The following SMAD2 variants were observed in gnomAD, a reference collection of about 807,000 sequenced individuals.
SMAD2 encodes MAD homolog 2.
In SMAD2, 8 loss-of-function variants were observed where a neutral mutation model predicts 64.4. The ratio of observed to expected loss-of-function variants is 0.12; its 90% CI spans 0.07 to 0.22. The LOEUF (loss-of-function observed/expected upper bound fraction) is 0.22, where lower values mean the gene tolerates loss of function less well. Ranked by LOEUF, SMAD2 falls within the 10% of genes least tolerant of loss-of-function variation. The pLI is 1.00. For synonymous variants in SMAD2, 203 were observed against 195.8 expected, an observed-to-expected ratio of 1.04 and a Z score of -0.31; for missense variants, 289 against 561.2, an observed-to-expected ratio of 0.51 and a Z score of 4.90.
chr18:47,846,865 T>C (rs1290027845), intron 8 of SMAD2, among the ~76,000 whole-genome samples: 1 of 152,184 alleles, frequency 6.6e-6, no homozygotes. Context: ...TGTGGTAATT[T>C]GTTACACAGC....
At chr18:47,881,931 G>A (rs554597795) in intron 2 of SMAD2, among the ~76,000 whole-genome samples, 28 of 151,796 alleles carry the variant, frequency 1.8e-4, no homozygotes, top group African/African-American at 6.8e-4. Context: ...AAACTGGAGT[G>A]TGGTGGCGTG....
intron 2 of SMAD2, among the ~76,000 whole-genome samples, chr18:47,871,449 C>CT (rs1297595328): frequency 1.3e-5 from 2 of 152,156 alleles, no homozygotes; most frequent in African/African-American, 4.8e-5. Flanking sequence ...TTAACTGGAT[C>CT]AACAGTTCAA....
At chr18:47,896,232 T>C (rs1301496569) in intron 2 of SMAD2, among the ~76,000 whole-genome samples, 1 of 152,218 alleles carries the variant, frequency 6.6e-6, no homozygotes, top group African/African-American at 2.4e-5. Context: ...TAGAAAAAGC[T>C]TCAATTCTTT....
chr18:47,902,367 G>A (rs1242379616), intron 1 of SMAD2, among the ~76,000 whole-genome samples: 2 of 152,122 alleles, frequency 1.3e-5, no homozygotes, highest in Non-Finnish European at 2.9e-5. Flanking sequence ...GGACTACCAA[G>A]AACTACTGCA....
intron 2 of SMAD2, chr18:47,886,678 C>T (rs1291535289): frequency 1.3e-5 from 2 of 152,078 alleles, no homozygotes; most frequent in Non-Finnish European, 2.9e-5. Flanking sequence ...AGTGAGAAGT[C>T]TCCTTATATA....
chr18:47,856,613 C>T lies in SMAD2; in HGVS notation c.731-5286G>A, dbSNP rs74710516. Among the ~76,000 whole-genome samples the T allele has an allele frequency of 8.3e-3, 1,265 of 152,138 alleles. 9 individuals are homozygous for T. Among genetic ancestry groups the T allele is most frequent in the Middle Eastern group, 0.031 (9 of 294 alleles). On this transcript the variant is annotated intron_variant, in intron 6 of 10. Coordinates refer to ENST00000262160, the MANE Select transcript of SMAD2 (RefSeq NM_005901.6). ...CCTCAGCAATATGTATCAAAAGCAC[C>T]CACTTCTCCCCCATGTCACCTAAAA...
rs1912899459 is a variant in SMAD2 at position 47,829,393 on chromosome 18, GC to G, written c.*12433del. On this transcript the variant is annotated 3_prime_UTR_variant, in exon 11 of 11. Transcript: ENST00000262160. ...TCTAAAACATTGTCTCTAGACCTCA[GC>G]AAAAAAAAAAAAGCACATCCACTTT... The G allele has an allele frequency of 6.8e-6, 1 of 146,744 alleles. No individual in the cohort carries two copies. 9.1% of individuals were successfully genotyped at this position (146,744 alleles called of 1,614,324 possible). A position where few individuals can be genotyped will look rare whatever the true frequency, so the allele number is the denominator to read the frequency against.
Position 47,896,550 on chromosome 18 carries a change from G to A in SMAD2, c.207C>T (p.Asn69=). 1 of 1,614,164 alleles carries A rather than the reference G, an allele frequency of 6.2e-7. No individual in the cohort carries two copies. The highest frequency in any genetic ancestry group is 8.5e-7 in the Non-Finnish European group (1 of 1,180,024). ...DELEKAITTQ[N]CNTKCVTIPS... is the part of the protein sequence containing the mutation. ...GTATGGTAACACATTTAGTATTACAGTTTTGAGTGGTGATGGCTTTCTCAA... is the reference window on the plus strand; with the variant it reads ...GTATGGTAACACATTTAGTATTACAATTTTGAGTGGTGATGGCTTTCTCAA... Residue 69 remains asparagine (N), a synonymous_variant, in exon 2 of 11, where the codon AAC becomes AAT. Transcript: ENST00000262160.
chr18:47,879,207 T>C (rs1331524606), intron 2 of SMAD2, among the ~76,000 whole-genome samples: 2 of 152,166 alleles, frequency 1.3e-5, no homozygotes, highest in Non-Finnish European at 2.9e-5. Flanking sequence ...TTTTTTTCTT[T>C]AGGTTAAATT....
At chr18:47,927,841 G>T (rs1238033853) in intron 1 of SMAD2, among the ~76,000 whole-genome samples, 2 of 152,222 alleles carry the variant, frequency 1.3e-5, no homozygotes, top group Non-Finnish European at 2.9e-5. Context: ...GGAGGTTGCG[G>T]TGAGCCGAGA....
At chr18:47,916,875 T>C (rs1424725002) in intron 1 of SMAD2, among the ~76,000 whole-genome samples, 1 of 152,238 alleles carries the variant, frequency 6.6e-6, no homozygotes, top group African/African-American at 2.4e-5. Flanking sequence ...TTGTCTGCAG[T>C]TATACCATCC....
intron 5 of SMAD2, among the ~76,000 whole-genome samples, chr18:47,868,049 TACTA>T (rs2031694399): frequency 6.6e-6 from 1 of 152,152 alleles, no homozygotes; most frequent in African/African-American, 2.4e-5. Flanking sequence ...AAGACAAACT[TACTA>T]AGATCTTTTC....
intron 1 of SMAD2, among the ~76,000 whole-genome samples, chr18:47,907,797 C>T (rs2033965290): frequency 6.6e-6 from 1 of 152,074 alleles, no homozygotes; most frequent in Admixed American, 6.5e-5. Flanking sequence ...ACAAAAAATA[C>T]AGAAAAAAGT....
In SMAD2 at chr18:47,827,825, C is replaced by G. The variant is rs1039496905; in HGVS notation, c.*14002G>C. 14 of 183,720 alleles carry G rather than the reference C, an allele frequency of 7.6e-5. No homozygotes were observed. Among genetic ancestry groups the G allele is most frequent in the Non-Finnish European group, 1.2e-4 (11 of 90,692 alleles). 11.4% of individuals were successfully genotyped at this position (183,720 alleles called of 1,614,324 possible). ...GGAGTGCAGTGGCACGATCTCGGCT[C>G]GCTACAACCTCCACCTCCCAGCCGC... On this transcript the variant is annotated 3_prime_UTR_variant, in exon 11 of 11. Coordinates refer to ENST00000262160, the MANE Select transcript of SMAD2 (RefSeq NM_005901.6).
At position 47,878,841 on chromosome 18, in the gene SMAD2, A is replaced by G. The variant is rs150574627; in HGVS notation, c.237-8277T>C. 5.2e-3 allele frequency among the ~76,000 whole-genome samples: 792 copies of G among 152,300 alleles called. 4 individuals carry two copies. The highest frequency in any genetic ancestry group is 9.4e-3 in the Non-Finnish European group (642 of 68,028). On this transcript the variant is annotated intron_variant, in intron 2 of 10. Transcript: ENST00000262160. Reference sequence around the variant, plus strand: ...TACACATTGATCAGCTAAATTCTGTAATTTGGATTTGTTTTCTTTTGCTCT... The same window carrying G: ...TACACATTGATCAGCTAAATTCTGTGATTTGGATTTGTTTTCTTTTGCTCT...
intron 6 of SMAD2, among the ~76,000 whole-genome samples, chr18:47,863,981 T>C (rs1021083064): frequency 2.0e-5 from 3 of 152,104 alleles, no homozygotes; most frequent in Admixed American, 6.6e-5. Context: ...AGGTGTGAGG[T>C]AGTATCTCAC....
chr18:47,888,189 GA>G (rs1318752809), intron 2 of SMAD2, among the ~76,000 whole-genome samples: 1 of 149,944 alleles, frequency 6.7e-6, no homozygotes, highest in South Asian at 2.1e-4. Flanking sequence ...TACTAGAGGG[GA>G]AAAAAGGGAA....
At position 47,816,175 on chromosome 18, in the gene SMAD2, A is replaced by AT. The variant is rs1912359233; in HGVS notation, c.*25651_*25652insA. ...ACATTTAGTCAAGACAACAATAACA[A>AT]AAGGCTTTCTTCAGGGAGGGCAGTG... On this transcript the variant is annotated 3_prime_UTR_variant, in exon 11 of 11. Transcript: ENST00000262160. The AT allele has an allele frequency of 2.0e-5, 3 of 152,196 alleles. No individual in the cohort carries two copies. The highest frequency in any genetic ancestry group is 2.1e-4 in the South Asian group (1 of 4,834). The allele number at this position is 152,196 out of a possible 1,614,324, so 9.4% of individuals were successfully genotyped here.
intron 1 of SMAD2, among the ~76,000 whole-genome samples, chr18:47,918,567 G>A (rs1284528053): frequency 6.6e-6 from 1 of 152,104 alleles, no homozygotes. Flanking sequence ...TTTATCTGAG[G>A]AAAAACGTCA....
Sources: allele counts gnomAD v4.1 joint callset (sites outside exome capture counted in the v4.1 genomes callset), GRCh38; gene constraint gnomAD v4.1.1; transcripts MANE v1.5; gene names NCBI Gene and HGNC (gene_info 2026-07-23, HGNC 2026-07-21).